FAM227B: variants seen among roughly 807,000 people sequenced by gnomAD.
FAM227B encodes the protein family with sequence similarity 227 member B, also known as protein FAM227B.
A neutral mutation model predicts 73.8 loss-of-function variants in FAM227B; 88 were observed. The ratio of observed to expected loss-of-function variants is 1.19; its 90% confidence interval spans 1.00 to 1.42. The LOEUF is 1.42. Ranked by LOEUF, FAM227B falls within the 40% of genes most tolerant of loss-of-function variation. The pLI is 0.00. For synonymous variants in FAM227B, 210 were observed against 190.5 expected (o/e 1.10, Z -0.84); for missense variants, 632 against 590.9 (o/e 1.07, Z -0.72).
chr15:49,366,668 C>G (rs1260232922), intron 13 of FAM227B: 2 of 1,530,724 alleles, frequency 1.3e-6, no homozygotes, highest in Admixed American at 3.3e-5. Flanking sequence ...AGGGGACAGC[C>G]GCCGCTGCGG....
At chr15:49,486,985 T>C (rs971779040) in intron 11 of FAM227B, 1 of 151,930 alleles carries the variant, frequency 6.6e-6, no homozygotes, top group East Asian at 1.9e-4. Flanking sequence ...CACAAGAGTC[T>C]AGATCAGTTA....
At chr15:49,539,791 T>C (rs961864910) in intron 10 of FAM227B, among the ~76,000 whole-genome samples, 2 of 151,594 alleles carry the variant, frequency 1.3e-5, no homozygotes, top group African/African-American at 4.9e-5. Flanking sequence ...CCATAGGAGG[T>C]GTTTATGGAG....
chr15:49,612,864 A>C (rs1011431540), intron 2 of FAM227B, among the ~76,000 whole-genome samples: 1 of 152,196 alleles, frequency 6.6e-6, no homozygotes, highest in Non-Finnish European at 1.5e-5. Context: ...GAATATAAGA[A>C]AATATATAAC....
Position 49,476,232 on chromosome 15 carries a change from G to GTTTTTTTTTTT in FAM227B, c.1012+31968_1012+31978dup. Among the ~76,000 whole-genome samples the GTTTTTTTTTTT allele has an allele frequency of 2.0e-3, 114 of 57,346 alleles. 12 individuals carry two copies. The highest frequency in any genetic ancestry group is 2.8e-3 in the Non-Finnish European group (76 of 27,400). 37.6% of individuals were successfully genotyped at this position (57,346 alleles called of 152,430 possible). On this transcript the variant is annotated intron_variant, in intron 11 of 15. Transcript: ENST00000299338. Reference sequence around the variant, plus strand: ...TTGCTGTTTTGTTTTTTTGTTTTTGGTTTTTTTTTTTTTGCATTTGGCATA... The same window carrying GTTTTTTTTTTT: ...TTGCTGTTTTGTTTTTTTGTTTTTGGTTTTTTTTTTTTTTTTTTTTTTTTGCATTTGGCATA...
chr15:49,539,467 T>C (rs376328243), intron 10 of FAM227B, among the ~76,000 whole-genome samples: 2 of 152,204 alleles, frequency 1.3e-5, no homozygotes, highest in Non-Finnish European at 1.5e-5. Context: ...ATTTGGAGTA[T>C]GAGTACACAT....
chr15:49,598,707 A>G (rs2077021595), intron 3 of FAM227B, among the ~76,000 whole-genome samples: 1 of 152,056 alleles, frequency 6.6e-6, no homozygotes, highest in Admixed American at 6.5e-5. Context: ...TGTTGAGCTG[A>G]TAATAATTTT....
At chr15:49,399,543 CA>C (rs978583145) in intron 11 of FAM227B, among the ~76,000 whole-genome samples, 1 of 146,484 alleles carries the variant, frequency 6.8e-6, no homozygotes, top group African/African-American at 2.5e-5. Context: ...AGAGACACAA[CA>C]AAAAAAGAGA....
chr15:49,555,189 G>A (rs1003119898), intron 9 of FAM227B, among the ~76,000 whole-genome samples: 10 of 152,200 alleles, frequency 6.6e-5, no homozygotes, highest in Non-Finnish European at 1.5e-4. Flanking sequence ...TTAGTGGCCA[G>A]TAAAAATCTT....
intron 3 of FAM227B, among the ~76,000 whole-genome samples, chr15:49,599,474 C>T (rs1467394516): frequency 6.6e-6 from 1 of 152,036 alleles, no homozygotes; most frequent in Admixed American, 6.6e-5. Flanking sequence ...CTTCCTTCTA[C>T]TGACTTTGGG....
intron 14 of FAM227B, 114 bp downstream of exon 14, chr15:49,335,305 C>G: frequency 1.5e-6 from 1 of 662,692 alleles, no homozygotes; most frequent in South Asian, 1.9e-5. Context: ...CTATAAGATG[C>G]TCAGACATGA....
intron 9 of FAM227B, among the ~76,000 whole-genome samples, chr15:49,547,642 A>G (rs545631810): frequency 9.2e-5 from 14 of 152,348 alleles, no homozygotes; most frequent in African/African-American, 3.4e-4. Context: ...AGTCTCTGAT[A>G]AAACAGACTT....
At chr15:49,527,162 A>C (rs2060266301) in intron 10 of FAM227B, among the ~76,000 whole-genome samples, 1 of 152,208 alleles carries the variant, frequency 6.6e-6, no homozygotes, top group South Asian at 2.1e-4. Flanking sequence ...AACTGATTCC[A>C]ACAGCACATC....
chr15:49,614,048 G>A (rs976637135), intron 2 of FAM227B, among the ~76,000 whole-genome samples: 14 of 152,112 alleles, frequency 9.2e-5, no homozygotes, highest in Non-Finnish European at 1.8e-4. Flanking sequence ...AACAATTTAA[G>A]CATTGACTTT....
intron 3 of FAM227B, among the ~76,000 whole-genome samples, chr15:49,591,985 G>C (rs190090078): frequency 1.5e-3 from 232 of 152,212 alleles, no homozygotes; most frequent in African/African-American, 5.3e-3. Flanking sequence ...GCTTGTGCAC[G>C]TCATGAAGTT....
At chr15:49,570,348 T>C (rs1000223273) in intron 8 of FAM227B, among the ~76,000 whole-genome samples, 2 of 151,894 alleles carry the variant, frequency 1.3e-5, no homozygotes, top group Non-Finnish European at 1.5e-5. Flanking sequence ...CATCAAACAG[T>C]TGTGTGAGAT....
At chr15:49,545,938 G>A (rs2071778223) in intron 9 of FAM227B, among the ~76,000 whole-genome samples, 1 of 74,492 alleles carries the variant, frequency 1.3e-5, no homozygotes, top group Non-Finnish European at 3.1e-5. Flanking sequence ...GGGAGCAGGA[G>A]TAGCTATTTT....
intron 11 of FAM227B, among the ~76,000 whole-genome samples, chr15:49,460,141 G>A (rs945372974): frequency 6.6e-6 from 1 of 152,088 alleles, no homozygotes; most frequent in Non-Finnish European, 1.5e-5. Flanking sequence ...TATCATGGAA[G>A]AGGCAAGCCC....
intron 10 of FAM227B, among the ~76,000 whole-genome samples, chr15:49,530,295 T>C (rs2152222650): frequency 1.3e-5 from 1 of 74,622 alleles, no homozygotes; most frequent in East Asian, 1.4e-3. Flanking sequence ...GCCACTCCTA[T>C]GGGTCTTTCA....
chr15:49,611,430 G>C lies in FAM227B; in HGVS notation c.52-162C>G, dbSNP rs111852968. 2.2e-3 allele frequency among the ~76,000 whole-genome samples: 337 copies of C among 152,168 alleles called. 2 individuals are homozygous for C. The highest frequency in any genetic ancestry group is 7.8e-3 in the African/African-American group (323 of 41,526). On this transcript the variant is annotated intron_variant, in intron 2 of 15. Coordinates refer to ENST00000299338, the MANE Select transcript of FAM227B (RefSeq NM_152647.3). ...TTATACCATCCCTCCACTTTGAAAA[G>C]GGACACACATAAATGTTTAAGTTCT... is the stretch of plus-strand genomic sequence containing the variant.
Sources: gnomAD v4.1 joint callset for allele counts (sites outside exome capture counted in the v4.1 genomes callset) on GRCh38, gnomAD v4.1.1 for gene constraint, MANE v1.5 for transcripts, NCBI Gene and HGNC (gene_info 2026-07-23, HGNC 2026-07-21) for gene names.